The following GREB1L variants were observed in gnomAD, a reference collection of about 807,000 sequenced individuals.
GREB1L encodes GREB1 like retinoic acid receptor coactivator.
GREB1L carries 17 observed loss-of-function variants against 200.8 expected under a neutral mutation model. That is an observed-to-expected ratio of 0.08 (90% CI 0.06 to 0.13). The LOEUF (loss-of-function observed/expected upper bound fraction) is 0.13, where lower values mean the gene tolerates loss of function less well. Among genes scored for constraint, GREB1L ranks in the 10% least tolerant of loss-of-function variants. The pLI is 1.00. For missense variants in GREB1L, 1,657 were observed against 2,367.7 expected (o/e 0.70, Z 6.23); for synonymous variants, 789 against 893.0 (o/e 0.88, Z 2.08).
intron 15 of GREB1L, among the ~76,000 whole-genome samples, chr18:21,469,318 A>T (rs2035390175): frequency 6.6e-6 from 1 of 152,036 alleles, no homozygotes; most frequent in African/African-American, 2.4e-5. Flanking sequence ...TCTATGGGTT[A>T]TTTCCAACAC....
At chr18:21,259,095 A>G (rs2037848941) in intron 1 of GREB1L, among the ~76,000 whole-genome samples, 1 of 152,186 alleles carries the variant, frequency 6.6e-6, no homozygotes. Context: ...AGACATCTGT[A>G]TGGTGTTTAC....
rs1432051939 is a variant in GREB1L at position 21,525,926 on chromosome 18, T to C, written c.*3105T>C. ...GCCAAAGGACCCTCAGGAAGGGCAA[T>C]AAATATTTGTAAGTGTAATGACAGA... On this transcript the variant is annotated 3_prime_UTR_variant, in exon 33 of 33. Coordinates refer to ENST00000424526, the MANE Select transcript of GREB1L (RefSeq NM_001142966.3). Among the ~76,000 whole-genome samples the C allele has an allele frequency of 6.6e-6, 1 of 152,090 alleles. No individual in the cohort carries two copies. Among genetic ancestry groups the C allele is most frequent in the African/African-American group, 2.4e-5 (1 of 41,408 alleles).
intron 2 of GREB1L, among the ~76,000 whole-genome samples, chr18:21,369,610 TA>T (rs926407476): frequency 1.3e-5 from 2 of 152,162 alleles, no homozygotes; most frequent in South Asian, 2.1e-4. Flanking sequence ...TAATTATTTC[TA>T]AAAAAATTTA....
chr18:21,398,220 C>T (rs2041167814), intron 5 of GREB1L, among the ~76,000 whole-genome samples: 1 of 152,006 alleles, frequency 6.6e-6, no homozygotes, highest in Non-Finnish European at 1.5e-5. Flanking sequence ...TGTTCTAATC[C>T]CAGATTTGTC....
chr18:21,348,774 C>T (rs1171896668), intron 1 of GREB1L, among the ~76,000 whole-genome samples: 4 of 150,994 alleles, frequency 2.6e-5, no homozygotes, highest in East Asian at 1.9e-4. Context: ...GACTCCATCT[C>T]GAAGAAAAAA....
intron 17 of GREB1L, chr18:21,485,320 G>A: frequency 4.2e-6 from 1 of 237,284 alleles, no homozygotes; most frequent in South Asian, 9.5e-5. Context: ...GCTGAGAATT[G>A]AGGCTGTCTG....
chr18:21,324,827 A>G (rs1469932691), intron 1 of GREB1L, among the ~76,000 whole-genome samples: 1 of 152,138 alleles, frequency 6.6e-6, no homozygotes, highest in African/African-American at 2.4e-5. Flanking sequence ...AAACAAACAA[A>G]CAAAATGCTT....
At chr18:21,346,646 T>G (rs1292993177) in intron 1 of GREB1L, among the ~76,000 whole-genome samples, 1 of 152,166 alleles carries the variant, frequency 6.6e-6, no homozygotes. Context: ...TAATTAGGTT[T>G]ACATTTGTCT....
intron 11 of GREB1L, among the ~76,000 whole-genome samples, chr18:21,447,658 G>A (rs576849237): frequency 7.9e-5 from 12 of 152,300 alleles, no homozygotes; most frequent in Non-Finnish European, 1.8e-4. Context: ...GACAGCCAGG[G>A]CCACCTGCTT....
At chr18:21,351,989 A>G (rs770610466) in intron 1 of GREB1L, among the ~76,000 whole-genome samples, 6 of 152,084 alleles carry the variant, frequency 3.9e-5, no homozygotes, top group Non-Finnish European at 8.8e-5. Context: ...TTGGGATTAC[A>G]GGCACGCGCC....
chr18:21,341,712 A>C (rs536808347), intron 1 of GREB1L, among the ~76,000 whole-genome samples: 63 of 152,280 alleles, frequency 4.1e-4, no homozygotes, highest in African/African-American at 1.5e-3. Flanking sequence ...TGGTGAAGCC[A>C]AAAAGCATTT....
intron 1 of GREB1L, among the ~76,000 whole-genome samples, chr18:21,294,863 G>C (rs1036784048): frequency 4.6e-5 from 7 of 152,036 alleles, no homozygotes; most frequent in Admixed American, 3.3e-4. Flanking sequence ...TTGAATCCAG[G>C]CCTGTTTGAC....
At position 21,508,268 on chromosome 18, in the gene GREB1L, G is replaced by C; in HGVS notation, c.4519G>C (p.Val1507Leu). The change falls in exon 26 of 33, where the codon GTT (valine) becomes CTT (leucine). Residue 1507 changes from valine (V) to leucine (L), a missense_variant. Transcript: ENST00000424526. ...CCTGGAGAGCATGCGGCTGCCCCTGGTTTCAGACAAGGTGGGTGAGAGCAT... is the reference window on the plus strand; with the variant it reads ...CCTGGAGAGCATGCGGCTGCCCCTGCTTTCAGACAAGGTGGGTGAGAGCAT... The part of the protein sequence containing the change: ...KHLESMRLPL[V>L]SDKNLNAVKS... 15 of 1,551,648 alleles carry C rather than the reference G, an allele frequency of 9.7e-6. No homozygotes were observed. The highest frequency in any genetic ancestry group is 1.3e-5 in the Non-Finnish European group (15 of 1,147,022).
In GREB1L at chr18:21,522,637, T is replaced by C. The variant is rs1031830583; in HGVS notation, c.5609-21T>C. 7 of 1,537,156 alleles carry C rather than the reference T, an allele frequency of 4.6e-6. No homozygotes were observed. In the African/African-American group the frequency reaches 9.6e-5, roughly 21 times the overall value. ...ATTCAATCCCTGAGCCTAGGACATATTTCTGTCTTTTTTCCTGAAGGTGCT... is the reference window on the plus strand; with the variant it reads ...ATTCAATCCCTGAGCCTAGGACATACTTCTGTCTTTTTTCCTGAAGGTGCT... On this transcript the variant is annotated intron_variant, in intron 32 of 32. Coordinates refer to ENST00000424526, the MANE Select transcript of GREB1L (RefSeq NM_001142966.3).
Position 21,360,329 on chromosome 18 carries a change from C to CT in GREB1L, c.-119-5697dup, listed in dbSNP as rs200148004. 7.3e-3 allele frequency among the ~76,000 whole-genome samples: 1,118 copies of CT among 152,318 alleles called. 16 individuals carry two copies. The highest frequency in any genetic ancestry group is 0.025 in the African/African-American group (1,055 of 41,574). ...CGCCTCCCGGGTTCAAGCAATTCTC[C>CT]TGCCTCAGCCTCCTAAGTAGCTGGG... is the stretch of plus-strand genomic sequence containing the variant. On this transcript the variant is annotated intron_variant, in intron 1 of 32. Transcript: ENST00000424526.
chr18:21,262,856 A>AT (rs1436719543), intron 1 of GREB1L, among the ~76,000 whole-genome samples: 3 of 152,266 alleles, frequency 2.0e-5, no homozygotes, highest in Non-Finnish European at 4.4e-5. Context: ...TAGTATGAAT[A>AT]TTTTTAATCA....
chr18:21,359,927 C>T (rs1016843691), intron 1 of GREB1L, among the ~76,000 whole-genome samples: 7 of 152,132 alleles, frequency 4.6e-5, no homozygotes, highest in African/African-American at 1.7e-4. Context: ...ATCTGAGAGT[C>T]ACTGATCTGG....
At chr18:21,245,935 T>C (rs754541062) in intron 1 of GREB1L, among the ~76,000 whole-genome samples, 1 of 152,188 alleles carries the variant, frequency 6.6e-6, no homozygotes, top group Non-Finnish European at 1.5e-5. Context: ...CAGGATGGTC[T>C]CGATCTCATC....
rs1356366863 is a variant in GREB1L, at chr18:21,513,954, A to G, written c.4869A>G (p.Leu1623=). The G allele has an allele frequency of 4.5e-6, 7 of 1,551,678 alleles. No homozygotes were observed. The South Asian group carries it at 4.8e-5, about 11-fold the overall frequency. ...FIVMMDDSCV[L]WNIHSVQEPS... The stretch of plus-strand genomic sequence containing the variant: ...TCATGATGGATGACTCATGTGTCCT[A>G]TGGAACATTCACAGTGTTCAGGAGC... Residue 1623 remains leucine, a synonymous_variant, in exon 28 of 33, where the codon CTA becomes CTG. Transcript: ENST00000424526.
Sources: gnomAD v4.1 joint callset for allele counts (sites outside exome capture counted in the v4.1 genomes callset) on GRCh38, gnomAD v4.1.1 for gene constraint, MANE v1.5 for transcripts, NCBI Gene and HGNC (gene_info 2026-07-23, HGNC 2026-07-21) for gene names.